Variants in TRIP4 observed in about 807,000 individuals in gnomAD.
TRIP4 encodes the protein thyroid hormone receptor interactor 4.
Under a neutral mutation model 81.8 loss-of-function variants are expected in TRIP4, and 54 were observed. The observed-to-expected ratio is 0.66, with a 90% CI of 0.53 to 0.83. TRIP4 has a LOEUF of 0.83. Ranked by LOEUF, TRIP4 falls within the 40% of genes least tolerant of loss-of-function variation. The pLI is 0.00. For synonymous variants in TRIP4, 270 were observed against 242.8 expected, an observed-to-expected ratio of 1.11 and a Z score of -1.04; for missense variants, 662 against 683.6, an observed-to-expected ratio of 0.97 and a Z score of 0.35.
chr15:64,406,543 C>G (rs1891627318), intron 6 of TRIP4, 84 bp downstream of exon 6: 14 of 1,491,318 alleles, frequency 9.4e-6, no homozygotes, highest in Admixed American at 2.1e-5. Context: ...GATACCTTCT[C>G]AAAGTGGAGT....
At position 64,425,444 on chromosome 15, in the gene TRIP4, AG is replaced by A. The variant is rs1892119133; in HGVS notation, c.1484-95del. 3.8e-6 allele frequency: 4 copies of A among 1,063,096 alleles called. No individual in the cohort carries two copies. In the East Asian group the frequency reaches 9.9e-5, roughly 26 times the overall value. The allele number at this position is 1,063,096 out of a possible 1,614,324, so 65.9% of individuals were successfully genotyped here. A position where few individuals can be genotyped will look rare whatever the true frequency, so the allele number is the denominator to read the frequency against. On this transcript the variant is annotated intron_variant, in intron 10 of 12. Transcript: ENST00000261884. ...ATGTCTACAAATAGATAATGGAAAA[AG>A]TTATTAATGTTTGTTCAGAATTGAA...
At chr15:64,413,578 T>G (rs1314942179) in intron 7 of TRIP4, among the ~76,000 whole-genome samples, 3 of 151,918 alleles carry the variant, frequency 2.0e-5, no homozygotes, top group Non-Finnish European at 4.4e-5. Flanking sequence ...GGAACTTTTA[T>G]TTTATTTATT....
Position 64,400,740 on chromosome 15 carries a change from C to T in TRIP4, c.619-3C>T, listed in dbSNP as rs1891476751. 2 of 1,612,020 alleles carry T rather than the reference C, an allele frequency of 1.2e-6. No homozygotes were observed. The highest frequency in any genetic ancestry group is 1.3e-5 in the African/African-American group (1 of 74,876). The stretch of plus-strand genomic sequence containing the variant: ...CACATGTCTTACTCTTACTATTTTA[C>T]AGGTGTGTACTCATGAGGAACAAGA... On this transcript the variant is annotated splice_region_variant and splice_polypyrimidine_tract_variant and intron_variant, in intron 4 of 12. Transcript: ENST00000261884.
chr15:64,424,173 T>A lies in TRIP4; in HGVS notation c.1483+18T>A, dbSNP rs1318178413. ...TGGGAAAGGTAACAGCCGCATATTC[T>A]CCTTTCAATTTTACTTTATGGAGAG... On this transcript the variant is annotated intron_variant, in intron 10 of 12. Coordinates refer to ENST00000261884, the MANE Select transcript of TRIP4 (RefSeq NM_016213.5). 2 of 1,613,706 alleles carry A rather than the reference T, an allele frequency of 1.2e-6. No individual in the cohort carries two copies. The highest frequency in any genetic ancestry group is 1.7e-6 in the Non-Finnish European group (2 of 1,179,794).
chr15:64,421,169 C>A (rs1308533351), intron 9 of TRIP4, among the ~76,000 whole-genome samples: 3 of 150,896 alleles, frequency 2.0e-5, no homozygotes, highest in Non-Finnish European at 2.9e-5. Flanking sequence ...GTAATCCCAG[C>A]TACTCAAGAG....
At chr15:64,395,711 C>T (rs1357076886) in intron 3 of TRIP4, among the ~76,000 whole-genome samples, 180 bp downstream of exon 3, 1 of 151,306 alleles carries the variant, frequency 6.6e-6, no homozygotes, top group African/African-American at 2.4e-5. Flanking sequence ...TGTTTGGCAA[C>T]CTGATTAGTA....
chr15:64,395,667 G>T (rs1900270229), intron 3 of TRIP4, 136 bp downstream of exon 3: 4 of 925,652 alleles, frequency 4.3e-6, no homozygotes, highest in Non-Finnish European at 6.2e-6. Flanking sequence ...GGTAGAAAAA[G>T]TTACATATAC....
chr15:64,454,115 GT>G (rs1022531583), intron 12 of TRIP4, among the ~76,000 whole-genome samples: 56 of 137,324 alleles, frequency 4.1e-4, no homozygotes, highest in East Asian at 8.5e-4. Context: ...AAGACTCCTT[GT>G]TTTTTTTTTT....
Position 64,420,900 on chromosome 15 carries a change from C to G in TRIP4, c.1358+2172C>G, listed in dbSNP as rs147385352. ...TCCCAACTCATAACAGTAAAAATACCTTATATTTAAATAGAATTTTAGTTT... is the reference window on the plus strand; with the variant it reads ...TCCCAACTCATAACAGTAAAAATACGTTATATTTAAATAGAATTTTAGTTT... On this transcript the variant is annotated intron_variant, in intron 9 of 12. Coordinates refer to ENST00000261884, the MANE Select transcript of TRIP4 (RefSeq NM_016213.5). Among the ~76,000 whole-genome samples, 188 of 152,052 alleles carry G rather than the reference C, an allele frequency of 1.2e-3. 7 individuals are homozygous for G. The highest frequency in any genetic ancestry group is 4.4e-3 in the African/African-American group (183 of 41,458).
chr15:64,403,710 TATA>T (rs1374498825), intron 5 of TRIP4, among the ~76,000 whole-genome samples: 1 of 152,226 alleles, frequency 6.6e-6, no homozygotes, highest in East Asian at 1.9e-4. Context: ...CTTGGTTTAT[TATA>T]GTATGATTAT....
At chr15:64,430,574 C>G (rs910194541) in intron 11 of TRIP4, among the ~76,000 whole-genome samples, 5 of 152,146 alleles carry the variant, frequency 3.3e-5, no homozygotes, top group Admixed American at 6.5e-5. Context: ...GAACAGTTCT[C>G]TAGACCTAAC....
rs559289135 is a variant in TRIP4, at chr15:64,387,853, G to T, written c.-11G>T. The T allele has an allele frequency of 6.5e-7, 1 of 1,542,856 alleles. No individual in the cohort carries two copies. On this transcript the variant is annotated 5_prime_UTR_variant, in exon 1 of 13. Transcript: ENST00000261884. ...GGGCTTTTGCAGCTCAGCTGGTTCC[G>T]GCTGGGGAAGATGGCGGTGGCTGGG...
intron 12 of TRIP4, among the ~76,000 whole-genome samples, chr15:64,451,843 G>A (rs962107654): frequency 2.7e-5 from 4 of 150,900 alleles, no homozygotes; most frequent in African/African-American, 9.8e-5. Context: ...TAGTAGAGAC[G>A]GGTTTCACCA....
intron 6 of TRIP4, among the ~76,000 whole-genome samples, chr15:64,407,433 C>T (rs1355909799): frequency 4.6e-5 from 7 of 152,076 alleles, no homozygotes; most frequent in Admixed American, 3.9e-4. Flanking sequence ...TTGGGGAGGC[C>T]GAGGCAGGTG....
chr15:64,420,247 G>T (rs1484894062), intron 9 of TRIP4, among the ~76,000 whole-genome samples: 1 of 151,312 alleles, frequency 6.6e-6, no homozygotes, highest in East Asian at 1.9e-4. Flanking sequence ...TCAGCCTCCT[G>T]AGTAGCTGGG....
intron 1 of TRIP4, 127 bp downstream of exon 1, chr15:64,388,091 G>A: frequency 7.5e-7 from 1 of 1,336,852 alleles, no homozygotes; most frequent in Non-Finnish European, 9.6e-7. Context: ...TCTGTAGTCT[G>A]TAGGCGTCGA....
chr15:64,433,312 C>A (rs1364395175), intron 11 of TRIP4, among the ~76,000 whole-genome samples: 1 of 152,174 alleles, frequency 6.6e-6, no homozygotes, highest in Non-Finnish European at 1.5e-5. Context: ...AGCAGGGTGT[C>A]ATTTCCCCTC....
intron 12 of TRIP4, among the ~76,000 whole-genome samples, chr15:64,451,678 AG>A (rs1271515362): frequency 7.1e-6 from 1 of 140,960 alleles, no homozygotes; most frequent in Non-Finnish European, 1.5e-5. Context: ...TTTTTTTTTG[AG>A]TTTTACTCTT....
At chr15:64,450,601 G>A in intron 12 of TRIP4, 1 of 452,672 alleles carries the variant, frequency 2.2e-6, no homozygotes, top group Admixed American at 2.4e-5. Flanking sequence ...AGACGTTAAG[G>A]ATACAAAATG....
Sources: gnomAD v4.1 joint callset for allele counts (sites outside exome capture counted in the v4.1 genomes callset) on GRCh38, gnomAD v4.1.1 for gene constraint, MANE v1.5 for transcripts, NCBI Gene and HGNC (gene_info 2026-07-23, HGNC 2026-07-21) for gene names.